OC90: variants seen among roughly 807,000 people sequenced by gnomAD.
OC90 encodes otoconin-90.
OC90 carries 46 observed loss-of-function variants against 47.3 expected under a neutral mutation model. The observed-to-expected ratio is 0.97, with a 90% CI of 0.77 to 1.24. OC90 has a LOEUF of 1.24. OC90 is among the 50% of genes most tolerant of loss of function. OC90 has a pLI of 0.00. For missense variants in OC90, 688 were observed against 583.9 expected (o/e 1.18, Z -1.84); for synonymous variants, 271 against 219.5 (o/e 1.23, Z -2.07).
At chr8:132,028,587 G>A (rs1216010170) in intron 13 of OC90, among the ~76,000 whole-genome samples, 5 of 25,056 alleles carry the variant, frequency 2.0e-4, no homozygotes, top group African/African-American at 5.6e-4. Flanking sequence ...AGGAAGGAAG[G>A]AAGGAAGGAA....
At chr8:132,041,266 T>A in intron 5 of OC90, 110 bp from the exon 6 acceptor site, 1 of 735,344 alleles carries the variant, frequency 1.4e-6, no homozygotes, top group Non-Finnish European at 2.3e-6. Context: ...GTGGTCTATT[T>A]TAAATATTCA....
At chr8:132,039,734 C>T (rs1011276012) in intron 6 of OC90, among the ~76,000 whole-genome samples, 3 of 152,138 alleles carry the variant, frequency 2.0e-5, no homozygotes, top group Non-Finnish European at 4.4e-5. Context: ...ACAGGCCTCT[C>T]AGGCCTCAGG....
chr8:132,042,641 T>C (rs1823070620), intron 4 of OC90, among the ~76,000 whole-genome samples: 1 of 152,236 alleles, frequency 6.6e-6, no homozygotes, highest in South Asian at 2.1e-4. Flanking sequence ...TTTGTATTTC[T>C]GTTCTTGCAT....
chr8:132,041,655 T>C lies in OC90; in HGVS notation c.214A>G (p.Asn72Asp). ...HFTWLQAVFT[N>D]FPVLIQFVNG... ...ACAAACTGGATCAGCACAGGGAAATTGGTGAAGACAGCCTGCAGCCAGGTG... is the reference window on the plus strand; with the variant it reads ...ACAAACTGGATCAGCACAGGGAAATCGGTGAAGACAGCCTGCAGCCAGGTG... The change falls in exon 5 of 14, where the codon AAT (asparagine) becomes GAT (aspartate). Residue 72 changes from asparagine (N) to aspartate (D), a missense_variant. Transcript: ENST00000254627. The C allele has an allele frequency of 6.3e-7, 1 of 1,582,232 alleles. No homozygotes were observed. The highest frequency in any genetic ancestry group is 8.6e-7 in the Non-Finnish European group (1 of 1,166,684).
chr8:132,025,817 G>C (rs2130848187), intron 13 of OC90, among the ~76,000 whole-genome samples: 1 of 152,300 alleles, frequency 6.6e-6, no homozygotes, highest in East Asian at 1.9e-4. Context: ...AGCCTGTCTG[G>C]ATTTGCTGCC....
At chr8:132,034,738 A>T in intron 10 of OC90, 43 bp downstream of exon 10, 1 of 1,412,622 alleles carries the variant, frequency 7.1e-7, no homozygotes, top group Non-Finnish European at 1.0e-6. Flanking sequence ...CAAAGGACAT[A>T]AATGTGTCAT....
Position 132,033,153 on chromosome 8 carries a change from T to C in OC90, c.745A>G (p.Ile249Val), listed in dbSNP as rs375656916. ...RATSPPGSAEIVATRVTAKIV... is the reference protein window; with the variant it reads ...RATSPPGSAEVVATRVTAKIV... ...TTAGCTGTAACCCTTGTTGCAACTA[T>C]CTCTGCAGATCCTGAAAATGAAAAA... Residue 249 changes from isoleucine to valine, a missense_variant, in exon 11 of 14, where the codon ATA becomes GTA. By Grantham distance (29) the Ile-to-Val change is conservative (BLOSUM62 3). Transcript: ENST00000254627. 1.5e-4 allele frequency: 244 copies of C among 1,604,866 alleles called. 1 individual carries two copies. The highest frequency in any genetic ancestry group is 2.0e-4 in the Non-Finnish European group (235 of 1,175,868).
rs1378296340 is a variant in OC90, at chr8:132,037,451, G to T, written c.666C>A (p.Ala222=). 2 of 1,583,248 alleles carry T rather than the reference G, an allele frequency of 1.3e-6. No homozygotes were observed. Among genetic ancestry groups the T allele is most frequent in the Admixed American group, 1.8e-5 (1 of 55,828 alleles). The change falls in exon 9 of 14, where the codon GCC becomes GCA. Residue 222 remains alanine, a synonymous_variant. Coordinates refer to ENST00000254627, the MANE Select transcript of OC90 (RefSeq NM_001080399.3). ...PVEPTDTSLT[A]LSGEEAGHDQ... ...CTTCTGGCTCACCTTCTCCTGAAAG[G>T]GCTGTCAGGCTGGTGTCTGTGGGCT...
intron 4 of OC90, 91 bp downstream of exon 4, chr8:132,044,342 G>A (rs1264193304): frequency 8.1e-6 from 6 of 739,874 alleles, no homozygotes; most frequent in African/African-American, 1.8e-5. Flanking sequence ...GGAGCTCCGA[G>A]GGTTGAGACC....
rs1419713975 is a variant in OC90, at chr8:132,024,774, C to G, written c.1141G>C (p.Gly381Arg). The change falls in exon 14 of 14, where the codon GGG becomes CGG. Residue 381 changes from glycine (G) to arginine (R), a missense_variant and splice_region_variant. Coordinates refer to ENST00000254627, the MANE Select transcript of OC90 (RefSeq NM_001080399.3). ...AACTTCTCACACAGGCTTTGGCCCC[C>G]ACCTTAGAAGGAAAGAGCAGAGTAG... ...VVCVDHTPKCGGQSLCEKLLC... is the reference protein window; with the variant it reads ...VVCVDHTPKCRGQSLCEKLLC... 1 of 1,611,006 alleles carries G rather than the reference C, an allele frequency of 6.2e-7. No individual in the cohort carries two copies. The highest frequency in any genetic ancestry group is 1.7e-5 in the Admixed American group (1 of 59,858).
chr8:132,055,671 C>G (rs892544743), intron 1 of OC90, among the ~76,000 whole-genome samples: 1 of 152,208 alleles, frequency 6.6e-6, no homozygotes, highest in African/African-American at 2.4e-5. Flanking sequence ...GCAGCATCTC[C>G]CTCTTCCTTC....
Position 132,041,718 on chromosome 8 carries a change from G to A in OC90, c.170-19C>T. The A allele has an allele frequency of 1.3e-6, 2 of 1,522,372 alleles. No homozygotes were observed. Among genetic ancestry groups the A allele is most frequent in the Non-Finnish European group, 9.1e-7 (1 of 1,100,846 alleles). 94.3% of individuals were successfully genotyped at this position (1,522,372 alleles called of 1,614,324 possible). A position where few individuals can be genotyped will look rare whatever the true frequency, so the allele number is the denominator to read the frequency against. ...AGGCAATCTGTGGGGGTGGGGGGCAGGGCCTGATAAGCACTGGGAACTAGG... is the reference window on the plus strand; with the variant it reads ...AGGCAATCTGTGGGGGTGGGGGGCAAGGCCTGATAAGCACTGGGAACTAGG... On this transcript the variant is annotated intron_variant, in intron 4 of 13. Transcript: ENST00000254627.
chr8:132,055,468 G>A (rs1248814524), intron 1 of OC90, among the ~76,000 whole-genome samples: 1 of 152,158 alleles, frequency 6.6e-6, no homozygotes, highest in East Asian at 1.9e-4. Context: ...AATGCGGAAG[G>A]GAGGCAAGGT....
At chr8:132,043,499 C>T (rs992680382) in intron 4 of OC90, among the ~76,000 whole-genome samples, 4 of 152,240 alleles carry the variant, frequency 2.6e-5, no homozygotes, top group Admixed American at 2.0e-4. Context: ...CTCGCATTCT[C>T]CTCCCCATTC....
chr8:132,039,235 C>T (rs948600426), intron 6 of OC90, 112 bp from the exon 7 acceptor site: 7 of 1,129,488 alleles, frequency 6.2e-6, no homozygotes, highest in Non-Finnish European at 9.0e-6. Flanking sequence ...TCCCACTCCC[C>T]TTGCAATCTC....
At chr8:132,036,358 C>G (rs778734367) in intron 9 of OC90, 1 of 780,794 alleles carries the variant, frequency 1.3e-6, no homozygotes, top group Non-Finnish European at 2.4e-6. Context: ...TTTCCAAATT[C>G]CCCTCTGCTT....
intron 4 of OC90, among the ~76,000 whole-genome samples, chr8:132,043,170 A>C (rs1358214461): frequency 6.6e-6 from 1 of 152,240 alleles, no homozygotes; most frequent in African/African-American, 2.4e-5. Context: ...ACAGATATTC[A>C]CAACTTTTGA....
In OC90 at chr8:132,041,106, C is replaced by T. The variant is rs1189234818; in HGVS notation, c.395G>A (p.Cys132Tyr). Residue 132 changes from cysteine (C) to tyrosine (Y), a missense_variant, in exon 6 of 14, where the codon TGT (cysteine) becomes TAT (tyrosine). Transcript: ENST00000254627. Reference sequence around the variant, plus strand: ...GCTAAGTTTGGCGGGGTCTTGGAGACAGTCCATCTCAGCGGCCTCCTCATA... The same window carrying T: ...GCTAAGTTTGGCGGGGTCTTGGAGATAGTCCATCTCAGCGGCCTCCTCATA... ...RCYEEAAEMDCLQDPAKLSTE... is the reference protein window; with the variant it reads ...RCYEEAAEMDYLQDPAKLSTE... 6.2e-7 allele frequency: 1 copy of T among 1,613,930 alleles called. No individual in the cohort carries two copies. Among genetic ancestry groups the T allele is most frequent in the Admixed American group, 1.7e-5 (1 of 60,032 alleles).
chr8:132,038,379 T>C (rs971293024), intron 8 of OC90, among the ~76,000 whole-genome samples: 3 of 151,528 alleles, frequency 2.0e-5, no homozygotes, highest in Non-Finnish European at 4.4e-5. Flanking sequence ...GAGGAGGAGG[T>C]AGTGGGTCTG....
Sources: gnomAD v4.1 joint callset for allele counts (sites outside exome capture counted in the v4.1 genomes callset) on GRCh38, gnomAD v4.1.1 for gene constraint, MANE v1.5 for transcripts, NCBI Gene and HGNC (gene_info 2026-07-23, HGNC 2026-07-21) for gene names.